The following FHIT variants were observed in gnomAD, a reference collection of about 807,000 sequenced individuals.
FHIT encodes bis(5'-adenosyl)-triphosphatase.
FHIT carries 19 observed loss-of-function variants against 17.9 expected under a neutral mutation model. The ratio of observed to expected loss-of-function variants is 1.06; its 90% CI spans 0.74 to 1.56. The LOEUF (loss-of-function observed/expected upper bound fraction) is 1.56, where lower values mean the gene tolerates loss of function less well. FHIT is among the 40% of genes most tolerant of loss of function. FHIT has a pLI of 0.00. For synonymous variants in FHIT, 81 were observed against 69.7 expected, an observed-to-expected ratio of 1.16 and a Z score of -0.81; for missense variants, 248 against 189.2, an observed-to-expected ratio of 1.31 and a Z score of -1.82.
chr3:60,264,189 G>T (rs147823052), intron 5 of FHIT, among the ~76,000 whole-genome samples: 1,566 of 152,026 alleles, frequency 0.01, 22 homozygotes, highest in Non-Finnish European at 0.016. Flanking sequence ...AATCCTAGAA[G>T]AAAATGTTCT....
At chr3:60,177,510 G>A (rs374419057) in intron 5 of FHIT, among the ~76,000 whole-genome samples, 8 of 152,112 alleles carry the variant, frequency 5.3e-5, no homozygotes, top group African/African-American at 1.4e-4. Context: ...TAGTCCCTTC[G>A]CATAGAAGTA....
chr3:59,902,120 C>A (rs972142166), intron 8 of FHIT, among the ~76,000 whole-genome samples: 2 of 151,990 alleles, frequency 1.3e-5, no homozygotes, highest in Non-Finnish European at 2.9e-5. Flanking sequence ...GTAAAATAAC[C>A]CAATTAAAAA....
intron 2 of FHIT, among the ~76,000 whole-genome samples, chr3:61,145,045 A>G (rs1334301553): frequency 6.6e-6 from 1 of 152,158 alleles, no homozygotes; most frequent in African/African-American, 2.4e-5. Context: ...AAGTTTTAAC[A>G]AAGTCTAAAT....
intron 5 of FHIT, among the ~76,000 whole-genome samples, chr3:60,387,463 T>G (rs1231886979): frequency 6.6e-6 from 1 of 152,222 alleles, no homozygotes; most frequent in Non-Finnish European, 1.5e-5. Context: ...GGCTCCTTGG[T>G]GGTTGCGGTC....
intron 2 of FHIT, among the ~76,000 whole-genome samples, chr3:61,187,711 C>T (rs2038564323): frequency 6.6e-6 from 1 of 152,148 alleles, no homozygotes. Context: ...TGTAAAAGAA[C>T]AGAAATTAGA....
rs1409089692 is a variant in FHIT, at chr3:60,239,483, T to C, written c.104-225331A>G. Among the ~76,000 whole-genome samples, 3 of 152,180 alleles carry C rather than the reference T, an allele frequency of 2.0e-5. No homozygotes were observed. In the East Asian group the frequency reaches 5.8e-4, roughly 29 times the overall value. ...AGGGGGCTAAGGCAGGAGTGTGGCT[T>C]ATGCCCAGGAGCTCAAGGCTGCAGT... On this transcript the variant is annotated intron_variant, in intron 5 of 9. Transcript: ENST00000492590.
intron 4 of FHIT, among the ~76,000 whole-genome samples, chr3:60,755,286 A>G (rs75967017): frequency 0.018 from 2,797 of 152,312 alleles, 94 homozygotes; most frequent in African/African-American, 0.063. Context: ...TGAGGACATG[A>G]CAACAGAAGA....
At chr3:60,996,666 T>C (rs1189305103) in intron 3 of FHIT, among the ~76,000 whole-genome samples, 1 of 152,214 alleles carries the variant, frequency 6.6e-6, no homozygotes, top group Non-Finnish European at 1.5e-5. Context: ...TAATCAACAT[T>C]AACCAAAGGG....
intron 5 of FHIT, among the ~76,000 whole-genome samples, chr3:60,317,886 G>A (rs922624958): frequency 2.6e-5 from 4 of 151,234 alleles, no homozygotes; most frequent in African/African-American, 9.7e-5. Flanking sequence ...CACCTCCTAG[G>A]TTCAAGTAAT....
chr3:59,873,413 G>A (rs766538070), intron 8 of FHIT, among the ~76,000 whole-genome samples: 1 of 152,144 alleles, frequency 6.6e-6, no homozygotes, highest in Admixed American at 6.5e-5. Context: ...ACACTTCCCT[G>A]CTCATGAGCC....
chr3:60,216,682 A>G (rs1374573135), intron 5 of FHIT, among the ~76,000 whole-genome samples: 1 of 152,180 alleles, frequency 6.6e-6, no homozygotes, highest in Non-Finnish European at 1.5e-5. Flanking sequence ...GGTTGGATAG[A>G]TAATCCAGAC....
chr3:61,205,007 T>G (rs1317966362), intron 1 of FHIT, among the ~76,000 whole-genome samples: 1 of 133,744 alleles, frequency 7.5e-6, no homozygotes, highest in Non-Finnish European at 1.5e-5. Flanking sequence ...GTGTGTGATG[T>G]TCTCCTTCCT....
intron 5 of FHIT, among the ~76,000 whole-genome samples, chr3:60,103,320 C>T (rs1399873825): frequency 6.6e-6 from 1 of 152,162 alleles, no homozygotes; most frequent in African/African-American, 2.4e-5. Flanking sequence ...ATTGACACAA[C>T]ACAGATTAAC....
chr3:59,810,567 A>C (rs1370668774), intron 8 of FHIT, among the ~76,000 whole-genome samples: 1 of 152,190 alleles, frequency 6.6e-6, no homozygotes, highest in African/African-American at 2.4e-5. Flanking sequence ...TGGCTGGGGC[A>C]CTCAGAGTTG....
intron 5 of FHIT, among the ~76,000 whole-genome samples, chr3:60,446,492 C>T (rs1396788374): frequency 2.0e-5 from 3 of 152,090 alleles, no homozygotes; most frequent in African/African-American, 7.2e-5. Flanking sequence ...TGGTTTAAGG[C>T]CTGTGGGGTA....
At chr3:60,440,111 A>C (rs2030661001) in intron 5 of FHIT, among the ~76,000 whole-genome samples, 1 of 152,128 alleles carries the variant, frequency 6.6e-6, no homozygotes, top group African/African-American at 2.4e-5. Flanking sequence ...CGCATTGTCC[A>C]TTAGCAAGTC....
At chr3:59,853,340 G>A (rs1305779087) in intron 8 of FHIT, among the ~76,000 whole-genome samples, 1 of 152,138 alleles carries the variant, frequency 6.6e-6, no homozygotes, top group East Asian at 1.9e-4. Context: ...ATTTCAAACT[G>A]GCCATTGTAA....
At chr3:59,953,558 C>T (rs189110452) in intron 7 of FHIT, among the ~76,000 whole-genome samples, 5 of 152,294 alleles carry the variant, frequency 3.3e-5, no homozygotes, top group Middle Eastern at 3.4e-3. Context: ...TATCTTTCCT[C>T]GTTTTTCCCC....
At chr3:60,936,062 C>G (rs548812209) in intron 3 of FHIT, among the ~76,000 whole-genome samples, 43 of 152,240 alleles carry the variant, frequency 2.8e-4, no homozygotes, top group Non-Finnish European at 4.4e-4. Flanking sequence ...AATTAATGAA[C>G]ATGAAAGTCA....
Sources: allele counts gnomAD v4.1 joint callset (sites outside exome capture counted in the v4.1 genomes callset), GRCh38; gene constraint gnomAD v4.1.1; transcripts MANE v1.5; gene names NCBI Gene and HGNC (gene_info 2026-07-23, HGNC 2026-07-21).